CTNNA3: variants seen among roughly 807,000 people sequenced by gnomAD.
CTNNA3 encodes the protein catenin alpha-3.
A neutral mutation model predicts 95.7 loss-of-function variants in CTNNA3; 76 were observed. The observed-to-expected ratio is 0.79, with a 90% CI of 0.66 to 0.96. The LOEUF (loss-of-function observed/expected upper bound fraction) is 0.96. Ranked by LOEUF, CTNNA3 falls within the 40% of genes least tolerant of loss-of-function variation. The probability of loss-of-function intolerance (pLI) is 0.00; values close to 1 mark genes in which losing one functional copy is unlikely to be tolerated. For synonymous variants in CTNNA3, 431 were observed against 374.4 expected (o/e 1.15, Z -1.74); for missense variants, 1,191 against 1,089.8 (o/e 1.09, Z -1.31).
At chr10:66,481,749 G>T (rs1158300453) in intron 11 of CTNNA3, among the ~76,000 whole-genome samples, 5 of 134,416 alleles carry the variant, frequency 3.7e-5, no homozygotes, top group Non-Finnish European at 7.6e-5. Flanking sequence ...GGGATTACAG[G>T]CGTGAGCCAC....
intron 14 of CTNNA3, among the ~76,000 whole-genome samples, chr10:66,073,552 T>G (rs1315109495): frequency 1.3e-5 from 2 of 152,164 alleles, no homozygotes; most frequent in African/African-American, 4.8e-5. Context: ...CAGTGATACT[T>G]CCTGCCTTCC....
At chr10:66,698,344 G>A (rs963769698) in intron 9 of CTNNA3, among the ~76,000 whole-genome samples, 2 of 152,166 alleles carry the variant, frequency 1.3e-5, no homozygotes, top group African/African-American at 4.8e-5. Flanking sequence ...CACTTCTGAT[G>A]AGACTACATT....
chr10:67,075,696 T>C (rs1437185340), intron 7 of CTNNA3, among the ~76,000 whole-genome samples: 2 of 152,210 alleles, frequency 1.3e-5, no homozygotes, highest in African/African-American at 2.4e-5. Flanking sequence ...CTACTATTAA[T>C]TGCATTGAAT....
chr10:66,999,576 T>C (rs1477613334), intron 7 of CTNNA3, among the ~76,000 whole-genome samples: 1 of 152,006 alleles, frequency 6.6e-6, no homozygotes, highest in African/African-American at 2.4e-5. Context: ...TGCATCCCTT[T>C]TAGGTCACAA....
intron 13 of CTNNA3, among the ~76,000 whole-genome samples, chr10:66,255,701 T>C (rs73317806): frequency 0.014 from 2,083 of 152,214 alleles, 40 homozygotes; most frequent in African/African-American, 0.048. Context: ...AAGCCACTAG[T>C]ACAGAGTCCT....
At chr10:67,180,588 A>G (rs1862489647) in intron 6 of CTNNA3, 68 bp from the exon 7 acceptor site, 1 of 1,340,242 alleles carries the variant, frequency 7.5e-7, no homozygotes, top group Non-Finnish European at 1.1e-6. Context: ...AACAAATGTT[A>G]TTTTGTTTTT....
chr10:67,690,938 C>T (rs1840835283), intron 1 of CTNNA3, among the ~76,000 whole-genome samples: 1 of 152,178 alleles, frequency 6.6e-6, no homozygotes, highest in Non-Finnish European at 1.5e-5. Context: ...CCCTCTGATG[C>T]CGAGCCGAAG....
chr10:66,581,438 T>C (rs995296133), intron 10 of CTNNA3, among the ~76,000 whole-genome samples: 4 of 151,250 alleles, frequency 2.6e-5, no homozygotes, highest in African/African-American at 9.7e-5. Flanking sequence ...TTTTTAATAA[T>C]GGTTATTCTG....
intron 10 of CTNNA3, among the ~76,000 whole-genome samples, chr10:66,598,017 A>G (rs1003560086): frequency 5.3e-5 from 8 of 152,198 alleles, no homozygotes; most frequent in African/African-American, 9.6e-5. Context: ...AGATGCAAAA[A>G]TCCTCAAAAA....
intron 12 of CTNNA3, among the ~76,000 whole-genome samples, chr10:66,292,823 C>A (rs948025853): frequency 6.6e-6 from 1 of 152,016 alleles, no homozygotes; most frequent in African/African-American, 2.4e-5. Flanking sequence ...TATATATAAG[C>A]AATTTTGTTA....
chr10:66,840,245 T>C lies in CTNNA3; in HGVS notation c.1048-64721A>G, dbSNP rs1688194657. 2.0e-5 allele frequency among the ~76,000 whole-genome samples: 3 copies of C among 151,990 alleles called. No homozygotes were observed. In the South Asian group the frequency reaches 6.2e-4, roughly 32 times the overall value. ...TTTTTCAACTGTTATTTCCTTCACA[T>C]TATGGATAATGTCAGGCAGACTCTG... On this transcript the variant is annotated intron_variant, in intron 7 of 17. Transcript: ENST00000433211.
intron 8 of CTNNA3, among the ~76,000 whole-genome samples, chr10:66,768,902 A>T (rs1441097501): frequency 6.6e-6 from 1 of 152,190 alleles, no homozygotes; most frequent in Non-Finnish European, 1.5e-5. Context: ...GAGCAGTTTC[A>T]GTGGAAAAGT....
chr10:66,506,738 A>AT (rs1840463156), intron 11 of CTNNA3, among the ~76,000 whole-genome samples: 2 of 152,210 alleles, frequency 1.3e-5, no homozygotes. Context: ...TATCAAAATC[A>AT]TTTTTTCAGG....
chr10:66,784,055 T>C (rs1840645499), intron 7 of CTNNA3, among the ~76,000 whole-genome samples: 1 of 152,202 alleles, frequency 6.6e-6, no homozygotes. Flanking sequence ...ATTCTGGTTA[T>C]TGTTTTCACT....
At chr10:66,747,758 T>G (rs771645808) in intron 9 of CTNNA3, among the ~76,000 whole-genome samples, 18 of 152,142 alleles carry the variant, frequency 1.2e-4, no homozygotes, top group Admixed American at 9.2e-4. Flanking sequence ...GTGTGGGCTG[T>G]TCTGCTCCAG....
chr10:67,738,167 C>A (rs1015249284), intron 1 of CTNNA3, among the ~76,000 whole-genome samples: 3 of 152,134 alleles, frequency 2.0e-5, no homozygotes, highest in African/African-American at 4.8e-5. Flanking sequence ...AACACAACAC[C>A]AGGAGGGGCC....
At chr10:66,708,694 C>T (rs1017473959) in intron 9 of CTNNA3, among the ~76,000 whole-genome samples, 4 of 152,006 alleles carry the variant, frequency 2.6e-5, no homozygotes, top group African/African-American at 9.7e-5. Context: ...AATATTTTTA[C>T]TGAGTATCAC....
intron 10 of CTNNA3, among the ~76,000 whole-genome samples, chr10:66,544,470 C>A (rs886881675): frequency 2.0e-5 from 3 of 152,176 alleles, no homozygotes; most frequent in Middle Eastern, 6.8e-3. Context: ...GAGGATATAG[C>A]CCAAAAACCA....
intron 9 of CTNNA3, among the ~76,000 whole-genome samples, chr10:66,663,646 G>A (rs1846340407): frequency 6.6e-6 from 1 of 152,048 alleles, no homozygotes. Context: ...TAAGAAGACT[G>A]AGATTTTTAT....
Sources: gnomAD v4.1 joint callset for allele counts (sites outside exome capture counted in the v4.1 genomes callset) on GRCh38, gnomAD v4.1.1 for gene constraint, MANE v1.5 for transcripts, NCBI Gene and HGNC (gene_info 2026-07-23, HGNC 2026-07-21) for gene names.